The following CADPS variants were observed in gnomAD, a reference collection of about 807,000 sequenced individuals.
CADPS encodes calcium-dependent secretion activator 1.
Under a neutral mutation model 167.3 loss-of-function variants are expected in CADPS, and 57 were observed. The observed-to-expected ratio is 0.34, with a 90% confidence interval of 0.28 to 0.42. CADPS has a LOEUF of 0.42. Ranked by LOEUF, CADPS falls within the 20% of genes least tolerant of loss-of-function variation. The pLI is 1.00. For missense variants in CADPS, 1,414 were observed against 1,738.1 expected (o/e 0.81, Z 3.32); for synonymous variants, 676 against 635.3 (o/e 1.06, Z -0.96).
In CADPS at chr3:62,641,349, T is replaced by TC. The variant is rs2067376167; in HGVS notation, c.1325+4372dup. On this transcript the variant is annotated intron_variant, in intron 6 of 29. Transcript: ENST00000383710. ...AAAAATAAATGGTAAAGGAGTGCCT[T>TC]CTTTTTCACATAATTTCATCTCACT... 3.3e-5 allele frequency among the ~76,000 whole-genome samples: 5 copies of TC among 152,318 alleles called. No individual in the cohort carries two copies. In the South Asian group the frequency reaches 1.0e-3, roughly 32 times the overall value.
At chr3:62,607,548 G>A (rs2060858211) in intron 6 of CADPS, among the ~76,000 whole-genome samples, 1 of 152,228 alleles carries the variant, frequency 6.6e-6, no homozygotes. Context: ...CTCTGAATGG[G>A]GACCCAAATT....
intron 10 of CADPS, 111 bp from the exon 11 acceptor site, chr3:62,550,226 G>T: frequency 1.3e-6 from 1 of 759,496 alleles, no homozygotes; most frequent in East Asian, 2.6e-5. Context: ...CAGAAGAGGG[G>T]GGTAGTGATT....
chr3:62,411,934 A>G lies in CADPS; in HGVS notation c.3778-8749T>C, dbSNP rs571833439. On this transcript the variant is annotated intron_variant, in intron 28 of 29. Coordinates refer to ENST00000383710, the MANE Select transcript of CADPS (RefSeq NM_003716.4). ...TCTGCCTTACTTGAGTGTTGCTATA[A>G]TTCAGGATTCACCCTTCAAAACAAC... Among the ~76,000 whole-genome samples the G allele has an allele frequency of 3.3e-5, 5 of 152,306 alleles. No homozygotes were observed. In the East Asian group the frequency reaches 9.6e-4, roughly 29 times the overall value.
chr3:62,658,119 T>A (rs1355804276), intron 4 of CADPS, among the ~76,000 whole-genome samples: 3 of 152,168 alleles, frequency 2.0e-5, no homozygotes, highest in Admixed American at 2.0e-4. Context: ...TTCTTCTGAG[T>A]ATTCTAAAGA....
At chr3:62,834,565 C>A (rs935027116) in intron 1 of CADPS, among the ~76,000 whole-genome samples, 2 of 152,178 alleles carry the variant, frequency 1.3e-5, no homozygotes, top group Non-Finnish European at 2.9e-5. Flanking sequence ...ACTCTCTCCA[C>A]ACCTTATCCT....
chr3:62,417,354 G>A (rs1014108621), intron 28 of CADPS, among the ~76,000 whole-genome samples: 2 of 132,750 alleles, frequency 1.5e-5, no homozygotes, highest in African/African-American at 5.8e-5. Context: ...GTGCAATCTC[G>A]GCTCACTGCA....
chr3:62,701,822 G>C (rs2081454296), intron 3 of CADPS, among the ~76,000 whole-genome samples: 1 of 151,986 alleles, frequency 6.6e-6, no homozygotes, highest in African/African-American at 2.4e-5. Flanking sequence ...ATAGATCTGT[G>C]AAAGGAAAAC....
intron 9 of CADPS, among the ~76,000 whole-genome samples, chr3:62,566,751 G>GT (rs1485181887): frequency 6.6e-6 from 1 of 152,114 alleles, no homozygotes; most frequent in Non-Finnish European, 1.5e-5. Context: ...GGACTCTCAC[G>GT]TCACCTCTGT....
In CADPS at chr3:62,744,267, A is replaced by G. The variant is rs2080965005; in HGVS notation, c.888+9174T>C. On this transcript the variant is annotated intron_variant, in intron 3 of 29. Transcript: ENST00000383710. ...CTGGAGGTCAGGACGTAAATTATGA[A>G]GCCTCCACTAACAGTTCACTCTAAA... is the stretch of plus-strand genomic sequence containing the variant. 2.0e-5 allele frequency among the ~76,000 whole-genome samples: 3 copies of G among 152,162 alleles called. No individual in the cohort carries two copies. In the South Asian group the frequency reaches 6.2e-4, roughly 31 times the overall value.
At chr3:62,629,757 G>GTTTTTTTTTTTTTTTTTTTTTTTTTT (rs55956118) in intron 6 of CADPS, among the ~76,000 whole-genome samples, 5 of 145,670 alleles carry the variant, frequency 3.4e-5, no homozygotes, top group Non-Finnish European at 3.0e-5. Context: ...CTCTGGTACA[G>GTTTTTTTTTTTTTTTTTTTTTTTTTT]TTTTTTTTTT....
At chr3:62,830,292 G>A (rs1488463476) in intron 1 of CADPS, among the ~76,000 whole-genome samples, 1 of 152,092 alleles carries the variant, frequency 6.6e-6, no homozygotes, top group Non-Finnish European at 1.5e-5. Context: ...AATCAAAGTT[G>A]CTTTTCCGGG....
intron 1 of CADPS, among the ~76,000 whole-genome samples, chr3:62,821,736 T>C (rs1265937033): frequency 2.0e-5 from 3 of 152,132 alleles, no homozygotes; most frequent in Non-Finnish European, 4.4e-5. Flanking sequence ...CAGTCATAGG[T>C]ATCAGGGGTT....
chr3:62,822,398 G>C (rs1055250381), intron 1 of CADPS, among the ~76,000 whole-genome samples: 2 of 152,184 alleles, frequency 1.3e-5, no homozygotes, highest in African/African-American at 4.8e-5. Context: ...GTTATTCACA[G>C]CTGGTGTCTT....
At chr3:62,490,262 C>T (rs2063486315) in intron 21 of CADPS, among the ~76,000 whole-genome samples, 1 of 151,666 alleles carries the variant, frequency 6.6e-6, no homozygotes, top group Non-Finnish European at 1.5e-5. Context: ...TTGCTGCATC[C>T]CAAAGATGTA....
intron 1 of CADPS, among the ~76,000 whole-genome samples, chr3:62,766,957 T>G (rs1475575051): frequency 2.0e-5 from 3 of 152,130 alleles, no homozygotes; most frequent in Non-Finnish European, 4.4e-5. Context: ...TCCCAGGGCA[T>G]AGCTAACTGC....
intron 6 of CADPS, among the ~76,000 whole-genome samples, chr3:62,639,085 C>T (rs1421602038): frequency 6.6e-6 from 1 of 152,122 alleles, no homozygotes; most frequent in African/African-American, 2.4e-5. Context: ...CTTAAATAAA[C>T]ATTGGGAATT....
At chr3:62,818,907 T>TG (rs2094756509) in intron 1 of CADPS, among the ~76,000 whole-genome samples, 1 of 152,096 alleles carries the variant, frequency 6.6e-6, no homozygotes, top group African/African-American at 2.4e-5. Context: ...TTATTCTGAG[T>TG]GGGAAAAAAA....
intron 8 of CADPS, among the ~76,000 whole-genome samples, chr3:62,577,185 A>G (rs1313909270): frequency 1.3e-5 from 2 of 152,142 alleles, no homozygotes; most frequent in Non-Finnish European, 2.9e-5. Context: ...CACCCATGGC[A>G]ATGCTTGTAA....
chr3:62,529,918 C>T (rs138055338), intron 13 of CADPS, among the ~76,000 whole-genome samples: 4 of 151,922 alleles, frequency 2.6e-5, no homozygotes, highest in Non-Finnish European at 4.4e-5. Flanking sequence ...TTTTGGGTGA[C>T]GGTATAAAAG....
Sources: allele counts gnomAD v4.1 joint callset (sites outside exome capture counted in the v4.1 genomes callset), GRCh38; gene constraint gnomAD v4.1.1; transcripts MANE v1.5; gene names NCBI Gene and HGNC (gene_info 2026-07-23, HGNC 2026-07-21).